PAX5: variants seen among roughly 807,000 people sequenced by gnomAD.
PAX5 encodes paired box protein Pax-5.
In PAX5, 9 loss-of-function variants were observed where a neutral mutation model predicts 43.7. The observed-to-expected ratio is 0.21, with a 90% CI of 0.12 to 0.36. PAX5 has a LOEUF of 0.36. PAX5 is among the 10% of genes least tolerant of loss of function. The pLI is 1.00. For missense variants in PAX5, 383 were observed against 532.7 expected (o/e 0.72, Z 2.77); for synonymous variants, 228 against 214.3 (o/e 1.06, Z -0.56).
intron 6 of PAX5, among the ~76,000 whole-genome samples, chr9:36,958,660 C>G (rs1833703878): frequency 6.6e-6 from 1 of 152,190 alleles, no homozygotes; most frequent in Non-Finnish European, 1.5e-5. Context: ...AGTCTCCTCA[C>G]AGCTGCAAGA....
At chr9:36,898,490 T>A (rs1190706257) in intron 7 of PAX5, among the ~76,000 whole-genome samples, 1 of 152,048 alleles carries the variant, frequency 6.6e-6, no homozygotes, top group African/African-American at 2.4e-5. Context: ...ACCCCTCCCA[T>A]CACAGGCTCC....
intron 8 of PAX5, among the ~76,000 whole-genome samples, chr9:36,851,086 A>G (rs1212088808): frequency 6.6e-6 from 1 of 152,206 alleles, no homozygotes; most frequent in Non-Finnish European, 1.5e-5. Flanking sequence ...AAGCGATTGA[A>G]CCTTCCAGGC....
Position 36,882,867 on chromosome 9 carries a change from G to A in PAX5, c.911-762C>T, listed in dbSNP as rs1030230042. ...GACCATGAGTCCAGAGTGTCCATGT[G>A]TCTCTCAGCTGGGACACTGTCACCA... On this transcript the variant is annotated intron_variant, in intron 7 of 9. Coordinates refer to ENST00000358127, the MANE Select transcript of PAX5 (RefSeq NM_016734.3). The surrounding 1 kb of genome is among the most constrained non-coding windows in gnomAD (Gnocchi z 4.4). 1.3e-5 allele frequency among the ~76,000 whole-genome samples: 2 copies of A among 152,238 alleles called. No homozygotes were observed. The highest frequency in any genetic ancestry group is 2.9e-5 in the Non-Finnish European group (2 of 68,052).
At chr9:36,847,265 C>T (rs1386148930) in intron 8 of PAX5, among the ~76,000 whole-genome samples, 5 of 152,166 alleles carry the variant, frequency 3.3e-5, no homozygotes, top group Non-Finnish European at 5.9e-5. Context: ...ATGCCCAGGT[C>T]GTCTCACAAA....
At chr9:36,976,111 C>T (rs1439952588) in intron 5 of PAX5, among the ~76,000 whole-genome samples, 1 of 152,154 alleles carries the variant, frequency 6.6e-6, no homozygotes, top group African/African-American at 2.4e-5. Context: ...TTATGTCTCG[C>T]CTACTTCTAA....
chr9:36,917,930 A>C (rs1829850678), intron 7 of PAX5, among the ~76,000 whole-genome samples: 1 of 152,132 alleles, frequency 6.6e-6, no homozygotes, highest in Non-Finnish European at 1.5e-5. Flanking sequence ...TGATATTCCT[A>C]TTCTAATTGT....
chr9:36,907,405 G>T (rs1828914804), intron 7 of PAX5, among the ~76,000 whole-genome samples: 1 of 152,100 alleles, frequency 6.6e-6, no homozygotes, highest in Non-Finnish European at 1.5e-5. Context: ...CGCATAGCAT[G>T]GGGGAGGCCA....
chr9:36,847,597 G>T (rs1337310530), intron 8 of PAX5, among the ~76,000 whole-genome samples: 6 of 152,244 alleles, frequency 3.9e-5, no homozygotes. Flanking sequence ...AGAGGGAGTG[G>T]TTGGGGCCTT....
chr9:36,837,457 G>C lies in PAX5; in HGVS notation c.*3103C>G, dbSNP rs1821719195. ...TTCCAAAAGTCAGAGCTCGAACACA[G>C]GGAAGAAGGCCCATGGAGAAATGCC... is the stretch of plus-strand genomic sequence containing the variant. On this transcript the variant is annotated 3_prime_UTR_variant, in exon 10 of 10. Coordinates refer to ENST00000358127, the MANE Select transcript of PAX5 (RefSeq NM_016734.3). 4.3e-6 allele frequency: 1 copy of C among 233,170 alleles called. No homozygotes were observed. The highest frequency in any genetic ancestry group is 5.6e-5 in the Admixed American group (1 of 17,772). 14.4% of individuals were successfully genotyped at this position (233,170 alleles called of 1,614,324 possible).
intron 8 of PAX5, among the ~76,000 whole-genome samples, chr9:36,869,883 G>GATGGATGGATAA (rs1825278921): frequency 6.7e-6 from 1 of 148,490 alleles, no homozygotes; most frequent in African/African-American, 2.5e-5. Context: ...TAAATGGATG[G>GATGGATGGATAA]ATGGATGGAT....
intron 7 of PAX5, among the ~76,000 whole-genome samples, chr9:36,906,796 C>T (rs1183106151): frequency 6.6e-6 from 1 of 152,212 alleles, no homozygotes; most frequent in African/African-American, 2.4e-5. Context: ...TGTAAGAAGC[C>T]CAGGCAGGGC....
At chr9:37,007,340 A>C (rs1838489986) in intron 3 of PAX5, 2 of 152,202 alleles carry the variant, frequency 1.3e-5, no homozygotes, top group African/African-American at 2.4e-5. Context: ...AAGTAACCAA[A>C]TCATTTTCGG....
chr9:36,948,725 C>T (rs373276540), intron 6 of PAX5, among the ~76,000 whole-genome samples: 1 of 152,170 alleles, frequency 6.6e-6, no homozygotes, highest in Non-Finnish European at 1.5e-5. Flanking sequence ...CCCATCACTG[C>T]AGGTCAGATA....
intron 7 of PAX5, among the ~76,000 whole-genome samples, chr9:36,891,995 T>C (rs982839038): frequency 6.6e-6 from 1 of 152,220 alleles, no homozygotes; most frequent in African/African-American, 2.4e-5. Context: ...GAAGCGTGTT[T>C]GAATTTCACC....
Position 36,834,506 on chromosome 9 carries a change from C to G in PAX5, c.*6054G>C. 1 of 232,502 alleles carries G rather than the reference C, an allele frequency of 4.3e-6. No homozygotes were observed. The highest frequency in any genetic ancestry group is 8.5e-6 in the Non-Finnish European group (1 of 117,844). 14.4% of individuals were successfully genotyped at this position (232,502 alleles called of 1,614,324 possible). On this transcript the variant is annotated 3_prime_UTR_variant, in exon 10 of 10. Coordinates refer to ENST00000358127, the MANE Select transcript of PAX5 (RefSeq NM_016734.3). ...GAAGGCCAGATTCTGAGGCTCTGAA[C>G]TTTTTGCAGTGTTTAAAATAGACTC...
chr9:36,937,318 G>A (rs1344774372), intron 6 of PAX5, among the ~76,000 whole-genome samples: 1 of 152,094 alleles, frequency 6.6e-6, no homozygotes, highest in Non-Finnish European at 1.5e-5. Context: ...CCAAAATAAC[G>A]TGTCCAGTTC....
chr9:36,937,945 A>G (rs1351673700), intron 6 of PAX5, among the ~76,000 whole-genome samples: 1 of 152,236 alleles, frequency 6.6e-6, no homozygotes, highest in Non-Finnish European at 1.5e-5. Context: ...AAAACCAGGC[A>G]TGTGACTGTT....
At chr9:36,844,619 G>A (rs1004836413) in intron 9 of PAX5, among the ~76,000 whole-genome samples, 12 of 152,170 alleles carry the variant, frequency 7.9e-5, no homozygotes, top group Admixed American at 3.9e-4. Context: ...ACCCCTGCCT[G>A]AGGCTCCCAC....
Position 37,013,415 on chromosome 9 carries a change from A to G in PAX5, c.410+1582T>C, listed in dbSNP as rs531624624. Reference sequence around the variant, plus strand: ...CCTAAGGTTATCTTGCGAACCCCCAATTATATGTGTACTCTACGTTGGGAA... The same window carrying G: ...CCTAAGGTTATCTTGCGAACCCCCAGTTATATGTGTACTCTACGTTGGGAA... On this transcript the variant is annotated intron_variant, in intron 3 of 9. Coordinates refer to ENST00000358127, the MANE Select transcript of PAX5 (RefSeq NM_016734.3). Among the ~76,000 whole-genome samples the G allele has an allele frequency of 1.5e-4, 23 of 152,172 alleles. No individual in the cohort carries two copies. The South Asian group carries it at 4.6e-3, about 30-fold the overall frequency.
Sources: gnomAD v4.1 joint callset for allele counts (sites outside exome capture counted in the v4.1 genomes callset) on GRCh38, gnomAD v4.1.1 for gene constraint, Gnocchi (gnomAD v3.1) non-coding constraint, MANE v1.5 for transcripts, NCBI Gene and HGNC (gene_info 2026-07-23, HGNC 2026-07-21) for gene names.